The following KATNA1 variants were observed in gnomAD, a reference collection of about 807,000 sequenced individuals.
The protein encoded by KATNA1 is katanin p60 ATPase-containing subunit A1.
Under a neutral mutation model 62.6 loss-of-function variants are expected in KATNA1, and 42 were observed. The ratio of observed to expected loss-of-function variants is 0.67; its 90% CI spans 0.52 to 0.87. The LOEUF (loss-of-function observed/expected upper bound fraction) is 0.87. Among genes scored for constraint, KATNA1 ranks in the 40% least tolerant of loss-of-function variants. KATNA1 has a pLI of 0.00. For missense variants in KATNA1, 498 were observed against 612.5 expected (o/e 0.81, Z 1.97); for synonymous variants, 186 against 201.9 (o/e 0.92, Z 0.67).
At chr6:149,624,533 C>T (rs1779529862) in intron 3 of KATNA1, among the ~76,000 whole-genome samples, 1 of 152,076 alleles carries the variant, frequency 6.6e-6, no homozygotes, top group African/African-American at 2.4e-5. Context: ...AGCCACATGG[C>T]ACCACACAAG....
intron 10 of KATNA1, among the ~76,000 whole-genome samples, chr6:149,595,839 G>C (rs961223919): frequency 6.6e-6 from 1 of 152,122 alleles, no homozygotes; most frequent in African/African-American, 2.4e-5. Context: ...GGAAACGAGC[G>C]CAGTCAAGCC....
At chr6:149,627,555 G>C (rs902267121) in intron 3 of KATNA1, among the ~76,000 whole-genome samples, 3 of 148,846 alleles carry the variant, frequency 2.0e-5, no homozygotes, top group Non-Finnish European at 4.4e-5. Flanking sequence ...AAAAATTGTT[G>C]GGTAATTATT....
chr6:149,598,448 G>A, intron 7 of KATNA1, 98 bp from the exon 8 acceptor site: 1 of 1,211,416 alleles, frequency 8.3e-7, no homozygotes. Flanking sequence ...AGGGAGGCTG[G>A]GCACAGTGGC....
intron 3 of KATNA1, among the ~76,000 whole-genome samples, chr6:149,632,372 T>A (rs1488859673): frequency 6.0e-5 from 8 of 133,574 alleles, no homozygotes; most frequent in South Asian, 2.4e-4. Flanking sequence ...AGACTCTGTC[T>A]AAAAAAAAAA....
At position 149,600,358 on chromosome 6, in the gene KATNA1, C is replaced by T. The variant is rs189644379; in HGVS notation, c.888+1236G>A. 3.8e-4 allele frequency among the ~76,000 whole-genome samples: 57 copies of T among 151,968 alleles called. 1 individual carries two copies. In the East Asian group the frequency reaches 9.3e-3, roughly 25 times the overall value. On this transcript the variant is annotated intron_variant, in intron 7 of 10. Transcript: ENST00000367411. ...TACAAAAAAATCAAAAAAGGCCAGG[C>T]GCAGTGGCTCATACCTATAATCCTA... is the stretch of plus-strand genomic sequence containing the variant.
chr6:149,607,096 C>A (rs1778767759), intron 4 of KATNA1, among the ~76,000 whole-genome samples: 2 of 152,172 alleles, frequency 1.3e-5, no homozygotes, highest in South Asian at 4.1e-4. Context: ...AGGGAAGATA[C>A]AAATATAAGG....
At chr6:149,638,928 G>T (rs1562302532) in intron 1 of KATNA1, among the ~76,000 whole-genome samples, 1 of 151,516 alleles carries the variant, frequency 6.6e-6, no homozygotes, top group African/African-American at 2.4e-5. Context: ...TTGTAGAGAT[G>T]GGGTTTCACC....
intron 4 of KATNA1, among the ~76,000 whole-genome samples, chr6:149,607,667 GA>G (rs1263220157): frequency 2.0e-5 from 3 of 152,162 alleles, no homozygotes; most frequent in East Asian, 3.9e-4. Flanking sequence ...GTAGGAAGTG[GA>G]AAAAAACAGT....
At chr6:149,623,446 T>G (rs1364208548) in intron 3 of KATNA1, among the ~76,000 whole-genome samples, 163 bp from the exon 4 acceptor site, 2 of 152,024 alleles carry the variant, frequency 1.3e-5, no homozygotes, top group Non-Finnish European at 2.9e-5. Context: ...GATCTAAAAT[T>G]TAAATCTGGG....
chr6:149,627,474 G>A (rs1210658414), intron 3 of KATNA1, among the ~76,000 whole-genome samples: 1 of 146,380 alleles, frequency 6.8e-6, no homozygotes, highest in Non-Finnish European at 1.5e-5. Context: ...GCTGCAGTAA[G>A]CCAAGATTAC....
At chr6:149,596,489 C>A (rs967734177) in intron 10 of KATNA1, among the ~76,000 whole-genome samples, 1 of 152,158 alleles carries the variant, frequency 6.6e-6, no homozygotes, top group African/African-American at 2.4e-5. Context: ...GAGCCGAGAT[C>A]GGACCACTGC....
chr6:149,640,706 G>A (rs954855411), intron 1 of KATNA1, among the ~76,000 whole-genome samples: 3 of 151,228 alleles, frequency 2.0e-5, no homozygotes, highest in African/African-American at 7.3e-5. Context: ...CATCCACCAC[G>A]CCCGGCTAAA....
chr6:149,596,445 G>A (rs1450761138), intron 10 of KATNA1, among the ~76,000 whole-genome samples: 1 of 152,230 alleles, frequency 6.6e-6, no homozygotes, highest in East Asian at 1.9e-4. Flanking sequence ...TGAGGCACAA[G>A]AATCACTTGA....
intron 2 of KATNA1, among the ~76,000 whole-genome samples, chr6:149,636,528 A>G (rs1183291094): frequency 2.0e-5 from 3 of 152,224 alleles, no homozygotes; most frequent in Non-Finnish European, 4.4e-5. Flanking sequence ...TCAAAGAGAT[A>G]GGCTGTTTCT....
chr6:149,636,468 T>G (rs960419203), intron 2 of KATNA1, among the ~76,000 whole-genome samples: 1 of 117,188 alleles, frequency 8.5e-6, no homozygotes, highest in Non-Finnish European at 1.7e-5. Context: ...GGTAATTACA[T>G]GGATATGGTA....
At chr6:149,645,320 G>A (rs1010665179) in intron 1 of KATNA1, among the ~76,000 whole-genome samples, 1 of 152,114 alleles carries the variant, frequency 6.6e-6, no homozygotes, top group Non-Finnish European at 1.5e-5. Flanking sequence ...GCCAGCGCCT[G>A]TAGTCCCAGC....
At chr6:149,615,562 A>T (rs563619299) in intron 4 of KATNA1, among the ~76,000 whole-genome samples, 2 of 152,270 alleles carry the variant, frequency 1.3e-5, no homozygotes, top group East Asian at 3.9e-4. Flanking sequence ...AAATAACAGA[A>T]GTCCCTCCTT....
chr6:149,614,468 G>A (rs1020999272), intron 4 of KATNA1, among the ~76,000 whole-genome samples: 2 of 152,072 alleles, frequency 1.3e-5, no homozygotes, highest in African/African-American at 4.8e-5. Context: ...AACCACACAC[G>A]GGAATTTTTA....
intron 4 of KATNA1, among the ~76,000 whole-genome samples, chr6:149,608,582 G>A (rs1015320762): frequency 6.6e-6 from 1 of 152,168 alleles, no homozygotes; most frequent in Non-Finnish European, 1.5e-5. Context: ...TTCTACTTCT[G>A]GAAGCCTACA....
Sources: gnomAD v4.1 joint callset for allele counts (sites outside exome capture counted in the v4.1 genomes callset) on GRCh38, gnomAD v4.1.1 for gene constraint, MANE v1.5 for transcripts, NCBI Gene and HGNC (gene_info 2026-07-23, HGNC 2026-07-21) for gene names.